C1orf167: variants seen among roughly 807,000 people sequenced by gnomAD.
The protein encoded by C1orf167 is chromosome 1 open reading frame 167.
C1orf167 carries 153 observed loss-of-function variants against 176.5 expected under a neutral mutation model. The observed-to-expected ratio is 0.87, with a 90% confidence interval of 0.76 to 0.99. The LOEUF (loss-of-function observed/expected upper bound fraction) is 0.99. C1orf167 is among the 50% of genes least tolerant of loss of function. C1orf167 has a pLI of 0.00. For synonymous variants in C1orf167, 594 were observed against 752.7 expected, an observed-to-expected ratio of 0.79 and a Z score of 3.45; for missense variants, 1,490 against 1,817.7, an observed-to-expected ratio of 0.82 and a Z score of 3.28.
chr1:11,788,671 G>C lies in C1orf167; in HGVS notation c.4098G>C (p.Glu1366Asp). The change falls in exon 20 of 21, where the codon GAG becomes GAC. Residue 1366 changes from glutamate (E) to aspartate (D), a missense_variant. By Grantham distance (45) the Glu-to-Asp change is conservative. Transcript: ENST00000688073. ...GADPAQGVAPEMGLADVVAAD... is the reference protein window; with the variant it reads ...GADPAQGVAPDMGLADVVAAD... ...CCAAAGCTCAGGGAGTGGCACCTGA[G>C]ATGGGCCTGGCAGACGTGGTGGCAG... The C allele has an allele frequency of 1.5e-6, 2 of 1,304,308 alleles. No homozygotes were observed. Among genetic ancestry groups the C allele is most frequent in the Non-Finnish European group, 2.0e-6 (2 of 988,952 alleles). 80.8% of individuals were successfully genotyped at this position (1,304,308 alleles called of 1,614,324 possible).
At chr1:11,763,873 G>A (rs1642650825) in intron 1 of C1orf167, among the ~76,000 whole-genome samples, 1 of 152,206 alleles carries the variant, frequency 6.6e-6, no homozygotes, top group South Asian at 2.1e-4. Flanking sequence ...ACTGGTGTGA[G>A]GGAGAAGGGG....
intron 2 of C1orf167, among the ~76,000 whole-genome samples, chr1:11,765,204 T>G (rs575501689): frequency 1.3e-5 from 2 of 152,298 alleles, no homozygotes; most frequent in East Asian, 3.9e-4. Context: ...TTGACCTCTC[T>G]GAGCTTTAGT....
chr1:11,774,864 G>A (rs960428218), intron 8 of C1orf167, among the ~76,000 whole-genome samples: 37 of 152,174 alleles, frequency 2.4e-4, no homozygotes, highest in African/African-American at 8.4e-4. Context: ...GGAGGAGGCC[G>A]AAAGTGGATG....
intron 15 of C1orf167, 115 bp downstream of exon 15, chr1:11,784,708 G>A: frequency 2.7e-6 from 3 of 1,128,176 alleles, no homozygotes; most frequent in Non-Finnish European, 3.4e-6. Flanking sequence ...AAAGGCTCAA[G>A]AGGGTGGTTG....
intron 2 of C1orf167, among the ~76,000 whole-genome samples, chr1:11,765,280 C>G (rs1313977773): frequency 6.6e-6 from 1 of 152,084 alleles, no homozygotes; most frequent in Non-Finnish European, 1.5e-5. Context: ...CCCAGAGCCT[C>G]CCGGTACCTC....
chr1:11,765,477 ATTC>A (rs1449756870), intron 2 of C1orf167, among the ~76,000 whole-genome samples: 1 of 151,648 alleles, frequency 6.6e-6, no homozygotes, highest in Admixed American at 6.6e-5. Flanking sequence ...GTCCCCCTTG[ATTC>A]TTTTCTTTTT....
chr1:11,774,338 C>T (rs534708863), intron 8 of C1orf167, among the ~76,000 whole-genome samples: 2 of 152,320 alleles, frequency 1.3e-5, no homozygotes, highest in African/African-American at 2.4e-5. Flanking sequence ...TGAGCCACCA[C>T]GCCCGGCCTG....
Position 11,782,073 on chromosome 1 carries a change from C to G in C1orf167, c.2861-116C>G. On this transcript the variant is annotated intron_variant, in intron 13 of 20. Coordinates refer to ENST00000688073, the MANE Select transcript of C1orf167 (RefSeq NM_001010881.2). ...ATAGAGGCTTTTTAACCCAGACAGT[C>G]AGGGTGGCCTCCTCTGTTCCCACCT... 3 of 939,034 alleles carry G rather than the reference C, an allele frequency of 3.2e-6. No individual in the cohort carries two copies. The South Asian group carries it at 6.9e-5, about 22-fold the overall frequency. 58.2% of individuals were successfully genotyped at this position (939,034 alleles called of 1,614,324 possible).
Position 11,766,778 on chromosome 1 carries a change from T to C in C1orf167, c.992T>C (p.Leu331Ser). The C allele has an allele frequency of 7.8e-7, 1 of 1,289,740 alleles. No homozygotes were observed. The highest frequency in any genetic ancestry group is 1.2e-5 in the South Asian group (1 of 81,026). 79.9% of individuals were successfully genotyped at this position (1,289,740 alleles called of 1,614,324 possible). ...AAGCTAATGTCACCTGAGACCACTT[T>C]GGGGACACGGACCAAGGATTCCCTT... The part of the protein sequence containing the change: ...QSKLMSPETT[L>S]GTRTKDSLNP... The change falls in exon 3 of 21, where the codon TTG becomes TCG. Residue 331 changes from leucine (L) to serine (S), a missense_variant. Leu to Ser is a moderately radical substitution (Grantham distance 145). Coordinates refer to ENST00000688073, the MANE Select transcript of C1orf167 (RefSeq NM_001010881.2). The surrounding 1 kb of genome is among the most constrained non-coding windows in gnomAD (Gnocchi z 4.5).
intron 19 of C1orf167, 92 bp from the exon 20 acceptor site, chr1:11,788,560 G>T: frequency 8.5e-7 from 1 of 1,170,274 alleles, no homozygotes. Context: ...CTTTCACTCT[G>T]GTGCAGCAGT....
In C1orf167 at chr1:11,789,380, G is replaced by A. The variant is rs753152096; in HGVS notation, c.4284G>A (p.Gln1428=). ...GCCCCAAGGGCCCCGAGAGTGGACAGGAAGCCGCCAGAGCACCGCGGGGTT... is the reference window on the plus strand; with the variant it reads ...GCCCCAAGGGCCCCGAGAGTGGACAAGAAGCCGCCAGAGCACCGCGGGGTT... The part of the protein sequence containing the change: ...KPGPKGPESG[Q]EAARAPRGWG... The change falls in exon 21 of 21, where the codon CAG becomes CAA. Residue 1428 remains glutamine, a synonymous_variant. Coordinates refer to ENST00000688073, the MANE Select transcript of C1orf167 (RefSeq NM_001010881.2). The A allele has an allele frequency of 1.3e-5, 17 of 1,303,762 alleles. No individual in the cohort carries two copies. The Admixed American group carries it at 2.5e-4, about 19-fold the overall frequency. The allele number at this position is 1,303,762 out of a possible 1,614,324, so 80.8% of individuals were successfully genotyped here.
intron 13 of C1orf167, 42 bp from the exon 14 acceptor site, chr1:11,782,147 G>C: frequency 1.6e-6 from 2 of 1,229,970 alleles, no homozygotes; most frequent in Non-Finnish European, 1.1e-6. Context: ...GGAGAGGCTG[G>C]GGTGAGCACC....
intron 6 of C1orf167, among the ~76,000 whole-genome samples, chr1:11,769,404 CA>C (rs374392291): frequency 1.5e-4 from 23 of 151,944 alleles, no homozygotes; most frequent in Non-Finnish European, 2.2e-4. Flanking sequence ...CCGTCTCTAG[CA>C]AAAAAATGTA....
At chr1:11,783,575 C>G (rs4846047) in intron 14 of C1orf167, among the ~76,000 whole-genome samples, 102,866 of 151,902 alleles carry the variant, frequency 0.68, 35,570 homozygotes, top group East Asian at 0.9. Context: ...TGGCTTCTCA[C>G]TGAGTGAGAG....
intron 9 of C1orf167, 84 bp from the exon 10 acceptor site, chr1:11,776,380 G>C: frequency 8.4e-7 from 1 of 1,186,884 alleles, no homozygotes; most frequent in African/African-American, 1.6e-5. Context: ...TCCCAAGAGG[G>C]GCCTGAGGCA....
In C1orf167 at chr1:11,787,876, G is replaced by A. The variant is rs193231767; in HGVS notation, c.3677G>A (p.Cys1226Tyr). The A allele has an allele frequency of 4.1e-6, 5 of 1,225,118 alleles. No homozygotes were observed. In the Admixed American group the frequency reaches 1.6e-4, roughly 40 times the overall value. The allele number at this position is 1,225,118 out of a possible 1,614,324, so 75.9% of individuals were successfully genotyped here. The change falls in exon 18 of 21, where the codon TGC becomes TAC. Residue 1226 changes from cysteine (C) to tyrosine (Y), a missense_variant. Coordinates refer to ENST00000688073, the MANE Select transcript of C1orf167 (RefSeq NM_001010881.2). ...KPRGTAWAQR[C>Y]REHSLCPAFQ... ...GTGACTCAACTCCCCTTTCCAGGGT[G>A]CAGGGAACATTCCCTCTGCCCTGCC...
At chr1:11,773,513 G>A (rs571621498) in intron 8 of C1orf167, among the ~76,000 whole-genome samples, 34 of 151,980 alleles carry the variant, frequency 2.2e-4, no homozygotes, top group African/African-American at 7.7e-4. Flanking sequence ...TTTGAGACCA[G>A]CCTGGACAAC....
rs755624831 is a variant in C1orf167 at position 11,784,266 on chromosome 1, T to C, written c.3098T>C (p.Leu1033Pro). The change falls in exon 15 of 21, where the codon CTG (leucine) becomes CCG (proline). Residue 1033 changes from leucine to proline, a missense_variant. Leu to Pro is a moderately conservative substitution (Grantham distance 98, BLOSUM62 -3). Coordinates refer to ENST00000688073, the MANE Select transcript of C1orf167 (RefSeq NM_001010881.2). ...CAGGATGGCCTGAGGAGAAGAGCAC[T>C]GGGGGCCGTGTTTGCCACATGGCGG... is the stretch of plus-strand genomic sequence containing the variant. ...AFQDGLRRRA[L>P]GAVFATWREA... The C allele has an allele frequency of 1.5e-6, 2 of 1,302,798 alleles. No homozygotes were observed. Among genetic ancestry groups the C allele is most frequent in the Admixed American group, 2.3e-5 (1 of 43,404 alleles). The allele number at this position is 1,302,798 out of a possible 1,614,324, so 80.7% of individuals were successfully genotyped here. A position where few individuals can be genotyped will look rare whatever the true frequency, so the allele number is the denominator to read the frequency against.
rs55668272 is a variant in C1orf167 at position 11,778,976 on chromosome 1, G to T, written c.2547G>T (p.Trp849Cys). Reference sequence around the variant, plus strand: ...ACACTCTCCAGGGGAGCCTTCTGTGGGCAGCTGGGCAGCGGCAGCAGGGGC... The same window carrying T: ...ACACTCTCCAGGGGAGCCTTCTGTGTGCAGCTGGGCAGCGGCAGCAGGGGC... ...LPDTLQGSLL[W>C]AAGQRQQGQC... The change falls in exon 12 of 21, where the codon TGG (tryptophan) becomes TGT (cysteine). Residue 849 changes from tryptophan to cysteine, a missense_variant. By Grantham distance (215) the Trp-to-Cys change is radical. Coordinates refer to ENST00000688073, the MANE Select transcript of C1orf167 (RefSeq NM_001010881.2). 0.034 allele frequency: 44,306 copies of T among 1,303,710 alleles called. 849 individuals carry two copies. The highest frequency in any genetic ancestry group is 0.045 in the Middle Eastern group (212 of 4,678). 80.8% of individuals were successfully genotyped at this position (1,303,710 alleles called of 1,614,324 possible). A position where few individuals can be genotyped will look rare whatever the true frequency, so the allele number is the denominator to read the frequency against.
Sources: gnomAD v4.1 joint callset for allele counts (sites outside exome capture counted in the v4.1 genomes callset) on GRCh38, gnomAD v4.1.1 for gene constraint, Gnocchi (gnomAD v3.1) non-coding constraint, MANE v1.5 for transcripts, NCBI Gene and HGNC (gene_info 2026-07-23, HGNC 2026-07-21) for gene names.